ALG14: variants seen among roughly 807,000 people sequenced by gnomAD.
ALG14 encodes the protein UDP-N-acetylglucosamine transferase subunit ALG14.
A neutral mutation model predicts 22.8 loss-of-function variants in ALG14; 17 were observed. That is an observed-to-expected ratio of 0.75 (90% CI 0.51 to 1.12). The LOEUF (loss-of-function observed/expected upper bound fraction) is 1.12, where lower values mean the gene tolerates loss of function less well. Ranked by LOEUF, ALG14 falls within the 50% of genes most tolerant of loss-of-function variation. ALG14 has a pLI of 0.00. For missense variants in ALG14, 288 were observed against 271.8 expected, an observed-to-expected ratio of 1.06 and a Z score of -0.42; for synonymous variants, 89 against 103.7, an observed-to-expected ratio of 0.86 and a Z score of 0.86.
At chr1:95,007,229 G>A (rs1673243494) in intron 3 of ALG14, among the ~76,000 whole-genome samples, 1 of 152,212 alleles carries the variant, frequency 6.6e-6, no homozygotes, top group South Asian at 2.1e-4. Context: ...GTTCGTTTTT[G>A]TTGTGAGGTA....
chr1:94,994,208 C>T (rs1309919023), intron 3 of ALG14, among the ~76,000 whole-genome samples: 1 of 152,220 alleles, frequency 6.6e-6, no homozygotes, highest in African/African-American at 2.4e-5. Flanking sequence ...TTTTCCTGTT[C>T]TCTGGACCAA....
intron 2 of ALG14, among the ~76,000 whole-genome samples, chr1:95,043,727 A>C (rs528316557): frequency 6.6e-6 from 1 of 151,978 alleles, no homozygotes; most frequent in South Asian, 2.1e-4. Context: ...AGGAAAGAGG[A>C]AGGTAGAGAG....
At chr1:95,059,614 C>A (rs973049040) in intron 2 of ALG14, among the ~76,000 whole-genome samples, 1 of 151,708 alleles carries the variant, frequency 6.6e-6, no homozygotes, top group Non-Finnish European at 1.5e-5. Flanking sequence ...TTCACAATAT[C>A]TAATCATATT....
At chr1:94,985,609 T>C (rs547968582) in intron 3 of ALG14, among the ~76,000 whole-genome samples, 1 of 152,322 alleles carries the variant, frequency 6.6e-6, no homozygotes, top group Non-Finnish European at 1.5e-5. Context: ...TTTGTTCCTC[T>C]TTAAAAAAAT....
In ALG14 at chr1:94,989,002, A is replaced by G. The variant is rs538588723; in HGVS notation, c.421-5696T>C. On this transcript the variant is annotated intron_variant, in intron 3 of 3. Transcript: ENST00000370205. ...GTGAGAGCTTATACATAATATTAGT[A>G]AAGTTAGTTATATTTGTTTTTAAAA... Among the ~76,000 whole-genome samples, 213 of 152,324 alleles carry G rather than the reference A, an allele frequency of 1.4e-3. 1 individual carries two copies. In the Middle Eastern group the frequency reaches 0.034, roughly 24 times the overall value.
At chr1:95,057,672 T>C (rs936709181) in intron 2 of ALG14, among the ~76,000 whole-genome samples, 2 of 150,886 alleles carry the variant, frequency 1.3e-5, no homozygotes, top group African/African-American at 4.9e-5. Context: ...ATATGACCTA[T>C]ATATAATATG....
At chr1:95,018,261 C>T (rs755519594) in intron 3 of ALG14, among the ~76,000 whole-genome samples, 5 of 151,978 alleles carry the variant, frequency 3.3e-5, no homozygotes, top group African/African-American at 9.7e-5. Flanking sequence ...GGTGGCCAGG[C>T]GCGGTGGTTC....
intron 3 of ALG14, among the ~76,000 whole-genome samples, chr1:95,020,455 G>A (rs1162919679): frequency 1.3e-5 from 2 of 151,156 alleles, no homozygotes; most frequent in East Asian, 3.9e-4. Context: ...ATGCTAAGTG[G>A]TGGCCAGGCG....
rs1361984707 is a variant in ALG14 at position 94,978,741 on chromosome 1, C to T, written c.*4335G>A. ...GTAAAATACCACTTTCTTAGAAAGG[C>T]CTTTCCTGATTTCCCTATCTAGAAC... On this transcript the variant is annotated 3_prime_UTR_variant, in exon 4 of 4. Coordinates refer to ENST00000370205, the MANE Select transcript of ALG14 (RefSeq NM_144988.4). 6.6e-6 allele frequency: 1 copy of T among 152,012 alleles called. No individual in the cohort carries two copies. The highest frequency in any genetic ancestry group is 1.9e-4 in the East Asian group (1 of 5,178). 9.4% of individuals were successfully genotyped at this position (152,012 alleles called of 1,614,324 possible).
intron 2 of ALG14, among the ~76,000 whole-genome samples, chr1:95,048,672 T>C (rs566115994): frequency 6.6e-6 from 1 of 152,326 alleles, no homozygotes; most frequent in Non-Finnish European, 1.5e-5. Context: ...CTCCAATTTT[T>C]GCTGGAAGGT....
chr1:95,033,966 TAC>T (rs1209465192), intron 2 of ALG14, among the ~76,000 whole-genome samples: 1 of 152,218 alleles, frequency 6.6e-6, no homozygotes, highest in Non-Finnish European at 1.5e-5. Flanking sequence ...CCAAATGCCT[TAC>T]AGTTGCTCCC....
chr1:95,056,443 G>A (rs972434438), intron 2 of ALG14, among the ~76,000 whole-genome samples: 3 of 151,934 alleles, frequency 2.0e-5, no homozygotes, highest in Admixed American at 6.6e-5. Context: ...CCAGGAGTTC[G>A]AGACCAGCCT....
At chr1:95,014,148 T>C (rs1016616931) in intron 3 of ALG14, among the ~76,000 whole-genome samples, 1 of 152,194 alleles carries the variant, frequency 6.6e-6, no homozygotes, top group Non-Finnish European at 1.5e-5. Context: ...TACAGCATTG[T>C]TCACTGTTTG....
chr1:94,994,273 C>A lies in ALG14; in HGVS notation c.421-10967G>T, dbSNP rs572204647. Among the ~76,000 whole-genome samples the A allele has an allele frequency of 1.3e-4, 20 of 152,294 alleles. No individual in the cohort carries two copies. The South Asian group carries it at 4.1e-3, about 32-fold the overall frequency. On this transcript the variant is annotated intron_variant, in intron 3 of 3. Coordinates refer to ENST00000370205, the MANE Select transcript of ALG14 (RefSeq NM_144988.4). ...TTTTGTTTTCATTGTGTTTTCAACT[C>A]TGAAATGTTTTCACAGAGGGTTTTA...
intron 2 of ALG14, among the ~76,000 whole-genome samples, chr1:95,060,797 T>G (rs771188935): frequency 6.6e-6 from 1 of 152,172 alleles, no homozygotes. Context: ...AAACCCAACT[T>G]ACTTGGTTCT....
intron 2 of ALG14, among the ~76,000 whole-genome samples, chr1:95,043,709 G>A (rs1674454539): frequency 6.6e-6 from 1 of 152,176 alleles, no homozygotes; most frequent in East Asian, 1.9e-4. Context: ...ACCTTTTAGG[G>A]GAAGGAGAGG....
At chr1:94,997,361 G>C (rs1672935410) in intron 3 of ALG14, among the ~76,000 whole-genome samples, 1 of 152,208 alleles carries the variant, frequency 6.6e-6, no homozygotes, top group Non-Finnish European at 1.5e-5. Flanking sequence ...GAGACAACTT[G>C]CCTGACTAAA....
At chr1:95,059,831 G>A (rs112700527) in intron 2 of ALG14, among the ~76,000 whole-genome samples, 3 of 152,014 alleles carry the variant, frequency 2.0e-5, no homozygotes, top group Admixed American at 6.5e-5. Context: ...TGAAATACAC[G>A]TAGCCACATA....
At chr1:95,070,340 T>C (rs982093886) in intron 1 of ALG14, among the ~76,000 whole-genome samples, 2 of 152,270 alleles carry the variant, frequency 1.3e-5, no homozygotes, top group African/African-American at 4.8e-5. Context: ...CTTTCATATA[T>C]GCTTCATAAA....
Sources: allele counts gnomAD v4.1 joint callset (sites outside exome capture counted in the v4.1 genomes callset), GRCh38; gene constraint gnomAD v4.1.1; transcripts MANE v1.5; gene names NCBI Gene and HGNC (gene_info 2026-07-23, HGNC 2026-07-21).